The following DPYS variants were observed in gnomAD, a reference collection of about 807,000 sequenced individuals.
DPYS encodes dihydropyrimidinase, also known as dihydropyrimidine amidohydrolase.
In DPYS, 39 loss-of-function variants were observed where a neutral mutation model predicts 50.3. The ratio of observed to expected loss-of-function variants is 0.78; its 90% CI spans 0.60 to 1.01. The LOEUF is 1.01. Among genes scored for constraint, DPYS ranks in the 50% least tolerant of loss-of-function variants. DPYS has a pLI of 0.00. For synonymous variants in DPYS, 245 were observed against 250.7 expected, an observed-to-expected ratio of 0.98 and a Z score of 0.22; for missense variants, 659 against 680.9, an observed-to-expected ratio of 0.97 and a Z score of 0.36.
chr8:104,397,280 A>C (rs189109168), intron 7 of DPYS, among the ~76,000 whole-genome samples: 4 of 152,348 alleles, frequency 2.6e-5, no homozygotes, highest in South Asian at 4.1e-4. Flanking sequence ...TATCACATTG[A>C]TCTCTTGACA....
Position 104,399,420 on chromosome 8 carries a change from G to A in DPYS, c.1236-6429C>T, listed in dbSNP as rs956265935. On this transcript the variant is annotated intron_variant, in intron 7 of 9. Coordinates refer to ENST00000351513, the MANE Select transcript of DPYS (RefSeq NM_001385.3). ...CTGTGACACTGAGATATTTGGAGCA[G>A]GCATCATGTATCTTTTGCAGCATAT... Among the ~76,000 whole-genome samples the A allele has an allele frequency of 7.2e-5, 11 of 151,732 alleles. 1 individual carries two copies. The highest frequency in any genetic ancestry group is 5.9e-5 in the Non-Finnish European group (4 of 67,976).
Position 104,428,045 on chromosome 8 carries a change from T to TA in DPYS, c.1026dup (p.Thr343TyrfsTer11). 6.2e-7 allele frequency: 1 copy of TA among 1,614,238 alleles called. No individual in the cohort carries two copies. The highest frequency in any genetic ancestry group is 8.5e-7 in the Non-Finnish European group (1 of 1,180,034). On this transcript the variant is annotated frameshift_variant, in exon 6 of 10. Transcript: ENST00000351513. LOFTEE classifies it high-confidence loss of function. ...CCATTCACCCCATTGGGGATCTTGG[T>TA]AAAATCATCCTTCCCAAGAGCTTTC...
intron 7 of DPYS, among the ~76,000 whole-genome samples, chr8:104,393,776 TATG>T (rs1164856406): frequency 4.6e-5 from 7 of 152,230 alleles, no homozygotes; most frequent in Admixed American, 6.5e-5. Context: ...CAGTGACTAA[TATG>T]AGCATAATCT....
At chr8:104,446,949 C>T (rs532824308) in intron 3 of DPYS, among the ~76,000 whole-genome samples, 4 of 152,214 alleles carry the variant, frequency 2.6e-5, no homozygotes, top group Non-Finnish European at 4.4e-5. Flanking sequence ...ATGTTGACCA[C>T]GCTTTGGTAT....
At chr8:104,402,877 G>A (rs961026459) in intron 7 of DPYS, among the ~76,000 whole-genome samples, 2 of 152,102 alleles carry the variant, frequency 1.3e-5, no homozygotes, top group Non-Finnish European at 1.5e-5. Flanking sequence ...GCTCACACCC[G>A]ACCAATCAGG....
intron 7 of DPYS, among the ~76,000 whole-genome samples, chr8:104,411,170 G>A (rs1182099446): frequency 2.6e-5 from 4 of 152,090 alleles, no homozygotes; most frequent in Non-Finnish European, 5.9e-5. Flanking sequence ...CTGATGACAG[G>A]TATTACACCT....
At chr8:104,447,574 A>G in intron 2 of DPYS, 71 bp from the exon 3 acceptor site, 6 of 1,551,986 alleles carry the variant, frequency 3.9e-6, no homozygotes, top group Non-Finnish European at 5.3e-6. Flanking sequence ...CCTTCTCTAA[A>G]ACGTTGCATT....
chr8:104,395,167 T>C (rs1458094216), intron 7 of DPYS, among the ~76,000 whole-genome samples: 1 of 151,964 alleles, frequency 6.6e-6, no homozygotes, highest in Non-Finnish European at 1.5e-5. Context: ...AGCTAATTTT[T>C]ATATTGTTTT....
chr8:104,464,978 A>C (rs879267157), intron 1 of DPYS, among the ~76,000 whole-genome samples: 1 of 152,198 alleles, frequency 6.6e-6, no homozygotes, highest in South Asian at 2.1e-4. Context: ...CCTACAAAAG[A>C]CTTTATTGAC....
chr8:104,415,269 C>T (rs942339580), intron 7 of DPYS, among the ~76,000 whole-genome samples: 14 of 152,196 alleles, frequency 9.2e-5, no homozygotes, highest in Non-Finnish European at 2.1e-4. Context: ...AAAGCCTATG[C>T]CTTTCACACA....
intron 7 of DPYS, among the ~76,000 whole-genome samples, chr8:104,413,903 T>C (rs1192374411): frequency 6.6e-6 from 1 of 152,148 alleles, no homozygotes; most frequent in Non-Finnish European, 1.5e-5. Context: ...GAAGGGTGGA[T>C]ACAGGAGAGG....
At chr8:104,404,130 TA>T (rs1184794239) in intron 7 of DPYS, among the ~76,000 whole-genome samples, 1 of 151,164 alleles carries the variant, frequency 6.6e-6, no homozygotes, top group Non-Finnish European at 1.5e-5. Context: ...ATGATATCAA[TA>T]CTATTATTAT....
At chr8:104,412,015 C>T (rs1000544326) in intron 7 of DPYS, among the ~76,000 whole-genome samples, 1 of 152,214 alleles carries the variant, frequency 6.6e-6, no homozygotes, top group Non-Finnish European at 1.5e-5. Flanking sequence ...GTGAAATAAA[C>T]CTAATGTACT....
At position 104,395,519 on chromosome 8, in the gene DPYS, T is replaced by C. The variant is rs186706321; in HGVS notation, c.1236-2528A>G. Among the ~76,000 whole-genome samples, 6 of 152,298 alleles carry C rather than the reference T, an allele frequency of 3.9e-5. No homozygotes were observed. The East Asian group carries it at 1.2e-3, about 29-fold the overall frequency. On this transcript the variant is annotated intron_variant, in intron 7 of 9. Coordinates refer to ENST00000351513, the MANE Select transcript of DPYS (RefSeq NM_001385.3). ...ACCACTGATCTATTCTTCATCACTA[T>C]AGTTTTCTCTTTTCAAGACTGTCAT...
chr8:104,450,057 C>T (rs1450152817), intron 2 of DPYS, among the ~76,000 whole-genome samples: 2 of 150,596 alleles, frequency 1.3e-5, no homozygotes, highest in Non-Finnish European at 1.5e-5. Flanking sequence ...TAAGGACAAA[C>T]ACCATCACCT....
chr8:104,424,741 G>C (rs994954031), intron 6 of DPYS, among the ~76,000 whole-genome samples: 1 of 151,748 alleles, frequency 6.6e-6, no homozygotes, highest in Non-Finnish European at 1.5e-5. Flanking sequence ...TTTATGATCT[G>C]ACTTATTTAT....
intron 7 of DPYS, among the ~76,000 whole-genome samples, chr8:104,401,288 G>GTTAT: frequency 7.0e-6 from 1 of 143,050 alleles, no homozygotes; most frequent in Admixed American, 7.0e-5. Context: ...TATGAGGTAG[G>GTTAT]TATTATTATT....
chr8:104,430,910 C>T (rs781702578), intron 4 of DPYS, among the ~76,000 whole-genome samples: 2 of 152,148 alleles, frequency 1.3e-5, no homozygotes, highest in Non-Finnish European at 2.9e-5. Flanking sequence ...TGCCCTATCC[C>T]CAGAAAAGGA....
chr8:104,446,014 C>T (rs1347365706), intron 3 of DPYS, among the ~76,000 whole-genome samples: 3 of 152,128 alleles, frequency 2.0e-5, no homozygotes, highest in Non-Finnish European at 2.9e-5. Context: ...CACTGCACTC[C>T]AGCCTAGGCA....
Sources: allele counts gnomAD v4.1 joint callset (sites outside exome capture counted in the v4.1 genomes callset), GRCh38; gene constraint gnomAD v4.1.1; transcripts MANE v1.5; gene names NCBI Gene and HGNC (gene_info 2026-07-23, HGNC 2026-07-21).